The following UNC5D variants were observed in gnomAD, a reference collection of about 807,000 sequenced individuals.
UNC5D encodes unc-5 netrin receptor D.
In UNC5D, 39 loss-of-function variants were observed where a neutral mutation model predicts 105.4. The observed-to-expected ratio is 0.37, with a 90% CI of 0.29 to 0.48. UNC5D has a LOEUF of 0.48. Ranked by LOEUF, UNC5D falls within the 20% of genes least tolerant of loss-of-function variation. The probability of loss-of-function intolerance (pLI) is 0.98; values close to 1 mark genes in which losing one functional copy is unlikely to be tolerated. For missense variants in UNC5D, 991 were observed against 1,202.4 expected (o/e 0.82, Z 2.60); for synonymous variants, 452 against 450.4 (o/e 1.00, Z -0.04).
chr8:35,689,579 AAGTTGGTAGG>A (rs1385233710), intron 7 of UNC5D, among the ~76,000 whole-genome samples: 7 of 152,204 alleles, frequency 4.6e-5, no homozygotes, highest in Non-Finnish European at 7.4e-5. Flanking sequence ...TCAAGCCCAA[AAGTTGGTAGG>A]CTGCTATGGA....
chr8:35,550,460 C>T (rs1026127139), intron 2 of UNC5D, among the ~76,000 whole-genome samples: 5 of 152,232 alleles, frequency 3.3e-5, no homozygotes, highest in African/African-American at 1.2e-4. Flanking sequence ...TTGACTTGGT[C>T]AACTCACTAG....
intron 1 of UNC5D, among the ~76,000 whole-genome samples, chr8:35,526,198 C>CTCA (rs1459592647): frequency 1.3e-5 from 2 of 152,164 alleles, no homozygotes; most frequent in African/African-American, 4.8e-5. Context: ...TCATAGAAAA[C>CTCA]TAGTAATCTG....
chr8:35,705,759 T>G (rs1827535638), intron 7 of UNC5D, among the ~76,000 whole-genome samples, 170 bp from the exon 8 acceptor site: 1 of 152,170 alleles, frequency 6.6e-6, no homozygotes, highest in African/African-American at 2.4e-5. Context: ...AAGAGAAAAT[T>G]TTTTTAAAAA....
Position 35,489,916 on chromosome 8 carries a change from A to G in UNC5D, c.104-59376A>G, listed in dbSNP as rs188952142. The stretch of plus-strand genomic sequence containing the variant: ...AGTTATAATAACATTCAACTTTGGT[A>G]GATTTTGTGTTATTTATTTTTTGGT... On this transcript the variant is annotated intron_variant, in intron 1 of 16. Transcript: ENST00000404895. Among the ~76,000 whole-genome samples the G allele has an allele frequency of 1.6e-3, 243 of 152,346 alleles. 2 individuals carry two copies. Among genetic ancestry groups the G allele is most frequent in the Non-Finnish European group, 2.6e-3 (179 of 68,036 alleles).
chr8:35,340,402 A>G (rs895013925), intron 1 of UNC5D, among the ~76,000 whole-genome samples: 8 of 152,130 alleles, frequency 5.3e-5, no homozygotes, highest in African/African-American at 1.9e-4. Context: ...GACCAGAGTT[A>G]TTACTCTATA....
chr8:35,393,038 C>G (rs1803871589), intron 1 of UNC5D, among the ~76,000 whole-genome samples: 2 of 150,370 alleles, frequency 1.3e-5, no homozygotes, highest in Non-Finnish European at 3.0e-5. Flanking sequence ...TTCTTTTCAT[C>G]ATATGCTAGT....
intron 1 of UNC5D, among the ~76,000 whole-genome samples, chr8:35,442,067 G>A (rs183429093): frequency 3.9e-5 from 6 of 151,966 alleles, no homozygotes; most frequent in South Asian, 2.1e-4. Flanking sequence ...CTTGCAAAAC[G>A]TGAAATTACT....
intron 8 of UNC5D, among the ~76,000 whole-genome samples, chr8:35,715,554 G>C (rs368622306): frequency 1.3e-5 from 2 of 152,176 alleles, no homozygotes; most frequent in Non-Finnish European, 2.9e-5. Flanking sequence ...GTTAAAAAAT[G>C]CTTGAAGTTC....
intron 1 of UNC5D, among the ~76,000 whole-genome samples, chr8:35,478,843 T>G (rs974707038): frequency 7.2e-5 from 11 of 152,186 alleles, no homozygotes; most frequent in South Asian, 2.1e-4. Flanking sequence ...TTAGGCTCTA[T>G]TAGTTGAATT....
At chr8:35,763,740 C>T (rs1476044558) in intron 14 of UNC5D, among the ~76,000 whole-genome samples, 2 of 152,090 alleles carry the variant, frequency 1.3e-5, no homozygotes, top group Non-Finnish European at 2.9e-5. Context: ...CAAAAATTCA[C>T]TGGTTTGGAG....
intron 13 of UNC5D, among the ~76,000 whole-genome samples, chr8:35,756,660 C>T (rs536591019): frequency 2.5e-4 from 38 of 152,126 alleles, no homozygotes; most frequent in Non-Finnish European, 4.7e-4. Context: ...TGGTCAAAGT[C>T]TCAGGTCTCC....
intron 9 of UNC5D, among the ~76,000 whole-genome samples, chr8:35,725,764 C>T (rs941851511): frequency 1.3e-5 from 2 of 152,144 alleles, no homozygotes; most frequent in Non-Finnish European, 2.9e-5. Flanking sequence ...TTGCTCAAAA[C>T]TTGACTGCAA....
At chr8:35,538,878 C>A (rs948008309) in intron 1 of UNC5D, among the ~76,000 whole-genome samples, 5 of 151,868 alleles carry the variant, frequency 3.3e-5, no homozygotes, top group Non-Finnish European at 5.9e-5. Flanking sequence ...TTTGAGGGGT[C>A]TTTAGGACAT....
At chr8:35,242,894 T>C (rs1171045933) in intron 1 of UNC5D, among the ~76,000 whole-genome samples, 4 of 152,170 alleles carry the variant, frequency 2.6e-5, no homozygotes, top group Non-Finnish European at 5.9e-5. Flanking sequence ...CAACAGTACT[T>C]ATTTAGTAGT....
At chr8:35,316,937 G>T (rs1406097601) in intron 1 of UNC5D, among the ~76,000 whole-genome samples, 2 of 152,142 alleles carry the variant, frequency 1.3e-5, no homozygotes, top group Admixed American at 6.6e-5. Flanking sequence ...ATATATGAAA[G>T]AAATGAAGTC....
chr8:35,544,521 C>T lies in UNC5D; in HGVS notation c.104-4771C>T, dbSNP rs746191561. ...TCCGGGTTCCTGTTGGACTTTTCCT[C>T]CCAAACTTCACCAGGTAAGGCAGGA... is the stretch of plus-strand genomic sequence containing the variant. On this transcript the variant is annotated intron_variant, in intron 1 of 16. Coordinates refer to ENST00000404895, the MANE Select transcript of UNC5D (RefSeq NM_080872.4). 50 of 1,613,530 alleles carry T rather than the reference C, an allele frequency of 3.1e-5. No individual in the cohort carries two copies. In the South Asian group the frequency reaches 5.5e-4, roughly 18 times the overall value.
At chr8:35,724,182 T>C in intron 9 of UNC5D, 1 of 1,483,908 alleles carries the variant, frequency 6.7e-7, no homozygotes, top group Non-Finnish European at 8.9e-7. Flanking sequence ...TTATGTGTAT[T>C]GTAAATCTCT....
intron 1 of UNC5D, among the ~76,000 whole-genome samples, chr8:35,305,161 G>A (rs1424106232): frequency 1.3e-5 from 2 of 152,128 alleles, no homozygotes; most frequent in East Asian, 3.8e-4. Context: ...ATATGAAAGA[G>A]AGGTTATATT....
At chr8:35,412,310 G>A (rs1008166314) in intron 1 of UNC5D, among the ~76,000 whole-genome samples, 2 of 151,984 alleles carry the variant, frequency 1.3e-5, no homozygotes, top group Non-Finnish European at 2.9e-5. Flanking sequence ...TTAGATTGGT[G>A]GTATTGGCTC....
Sources: allele counts gnomAD v4.1 joint callset (sites outside exome capture counted in the v4.1 genomes callset), GRCh38; gene constraint gnomAD v4.1.1; transcripts MANE v1.5; gene names NCBI Gene and HGNC (gene_info 2026-07-23, HGNC 2026-07-21).